MEI4: variants seen among roughly 807,000 people sequenced by gnomAD.
MEI4 encodes the protein meiosis-specific protein MEI4.
A neutral mutation model predicts 31.4 loss-of-function variants in MEI4; 27 were observed. That is an observed-to-expected ratio of 0.86 (90% CI 0.63 to 1.19). The LOEUF (loss-of-function observed/expected upper bound fraction) is 1.19. Among genes scored for constraint, MEI4 ranks in the 50% most tolerant of loss-of-function variants. The pLI is 0.00. For synonymous variants in MEI4, 122 were observed against 145.4 expected, an observed-to-expected ratio of 0.84 and a Z score of 1.16; for missense variants, 329 against 398.9, an observed-to-expected ratio of 0.82 and a Z score of 1.49.
At chr6:77,692,072 A>C (rs1769167885) in intron 2 of MEI4, among the ~76,000 whole-genome samples, 1 of 150,752 alleles carries the variant, frequency 6.6e-6, no homozygotes, top group Admixed American at 6.6e-5. Context: ...CATCTCATAC[A>C]CTCTCCCCAT....
intron 4 of MEI4, among the ~76,000 whole-genome samples, chr6:77,885,347 A>G (rs968391161): frequency 2.6e-5 from 4 of 151,928 alleles, no homozygotes; most frequent in Admixed American, 2.0e-4. Flanking sequence ...CACCATGCCC[A>G]GCTAATTTTT....
rs565456197 is a variant in MEI4, at chr6:77,768,572, C to A, written c.768+6907C>A. Among the ~76,000 whole-genome samples the A allele has an allele frequency of 1.6e-4, 24 of 152,046 alleles. No homozygotes were observed. In the South Asian group the frequency reaches 3.1e-3, roughly 20 times the overall value. On this transcript the variant is annotated intron_variant, in intron 3 of 4. Coordinates refer to ENST00000684080, the MANE Select transcript of MEI4 (RefSeq NM_001322247.2). ...AAAAATAGCCAGACATGGTGGCATG[C>A]ACCTGTAGTCCCAGCTACTTGGGAG...
intron 3 of MEI4, among the ~76,000 whole-genome samples, chr6:77,804,040 C>G (rs1429389588): frequency 6.6e-6 from 1 of 152,148 alleles, no homozygotes; most frequent in Non-Finnish European, 1.5e-5. Context: ...TTTCTGCTGC[C>G]TTTTGTTTGG....
chr6:77,693,796 AG>A (rs980985433), intron 2 of MEI4, among the ~76,000 whole-genome samples: 1 of 152,140 alleles, frequency 6.6e-6, no homozygotes, highest in Non-Finnish European at 1.5e-5. Context: ...CCTTGCTCTA[AG>A]AAAACTCCAT....
At chr6:77,666,857 C>CTGTGTGTGTG (rs754710415) in intron 1 of MEI4, among the ~76,000 whole-genome samples, 4 of 148,326 alleles carry the variant, frequency 2.7e-5, no homozygotes, top group African/African-American at 5.0e-5. Context: ...CTACATGCCT[C>CTGTGTGTGTG]TGTGTGTGTG....
At chr6:77,808,132 C>T (rs1769485638) in intron 3 of MEI4, among the ~76,000 whole-genome samples, 2 of 152,238 alleles carry the variant, frequency 1.3e-5, no homozygotes, top group Non-Finnish European at 1.5e-5. Context: ...CACTCCATTT[C>T]ATTCTGAAAA....
At chr6:77,665,216 A>G (rs1440471649) in intron 1 of MEI4, among the ~76,000 whole-genome samples, 18 of 151,770 alleles carry the variant, frequency 1.2e-4, no homozygotes, top group Non-Finnish European at 4.4e-5. Flanking sequence ...GGGTCGGGAC[A>G]TGGAAATAAG....
chr6:77,845,374 G>A (rs562729821), intron 4 of MEI4, among the ~76,000 whole-genome samples: 1 of 152,270 alleles, frequency 6.6e-6, no homozygotes, highest in African/African-American at 2.4e-5. Flanking sequence ...ATGTGTCTGT[G>A]AGGGGGAGTG....
At chr6:77,862,145 G>A (rs151062230) in intron 4 of MEI4, among the ~76,000 whole-genome samples, 38 of 152,040 alleles carry the variant, frequency 2.5e-4, no homozygotes, top group African/African-American at 5.8e-4. Context: ...CGTGAGTGAC[G>A]AAGAAGACAG....
intron 1 of MEI4, among the ~76,000 whole-genome samples, chr6:77,685,677 A>C (rs9341683): frequency 0.14 from 20,525 of 151,948 alleles, 1,468 homozygotes; most frequent in Middle Eastern, 0.2. Context: ...TTATGGTTTC[A>C]TGTTATATTT....
chr6:77,695,617 A>G (rs1006135401), intron 2 of MEI4, among the ~76,000 whole-genome samples: 3 of 151,988 alleles, frequency 2.0e-5, no homozygotes, highest in African/African-American at 4.8e-5. Flanking sequence ...TGTTCCATTG[A>G]TCTATATCTC....
At chr6:77,691,647 G>A (rs758287517) in intron 2 of MEI4, among the ~76,000 whole-genome samples, 3 of 151,978 alleles carry the variant, frequency 2.0e-5, no homozygotes, top group Admixed American at 6.6e-5. Flanking sequence ...AGTTGGGACC[G>A]GATTCAGAAG....
intron 4 of MEI4, among the ~76,000 whole-genome samples, chr6:77,867,757 C>T (rs1771079789): frequency 6.6e-6 from 1 of 152,094 alleles, no homozygotes; most frequent in Non-Finnish European, 1.5e-5. Context: ...GCTATAAAGA[C>T]ACATGCACAC....
chr6:77,905,672 A>G (rs534579750), intron 4 of MEI4, among the ~76,000 whole-genome samples: 22 of 150,774 alleles, frequency 1.5e-4, no homozygotes, highest in Admixed American at 1.1e-3. Flanking sequence ...AATTTTTTGT[A>G]TGTTTAGTAG....
chr6:77,677,849 T>C (rs939873651), intron 1 of MEI4, among the ~76,000 whole-genome samples: 1 of 152,244 alleles, frequency 6.6e-6, no homozygotes, highest in Non-Finnish European at 1.5e-5. Flanking sequence ...TGTCACATAT[T>C]CTACATGTAT....
At chr6:77,889,688 G>A (rs539384809) in intron 4 of MEI4, among the ~76,000 whole-genome samples, 1 of 152,360 alleles carries the variant, frequency 6.6e-6, no homozygotes, top group East Asian at 1.9e-4. Context: ...TCCAGAGCAT[G>A]TCAAGACCAT....
chr6:77,712,083 C>T (rs759042106), intron 2 of MEI4, among the ~76,000 whole-genome samples: 14 of 152,208 alleles, frequency 9.2e-5, no homozygotes, highest in South Asian at 4.2e-4. Context: ...ATTGGCAGTA[C>T]GCTGAACATT....
At chr6:77,864,342 C>T (rs1320614559) in intron 4 of MEI4, among the ~76,000 whole-genome samples, 5 of 152,152 alleles carry the variant, frequency 3.3e-5, no homozygotes, top group Admixed American at 2.0e-4. Flanking sequence ...ACCCATCTCA[C>T]ATACAGAGAC....
rs143565676 is a variant in MEI4 at position 77,739,025 on chromosome 6, C to A, written c.233-22105C>A. On this transcript the variant is annotated intron_variant, in intron 2 of 4. Coordinates refer to ENST00000684080, the MANE Select transcript of MEI4 (RefSeq NM_001322247.2). ...TAGATTGCAAAAATTTTCTCCCATT[C>A]TGTCAGTTGCCTGTTCACTATGATG... is the stretch of plus-strand genomic sequence containing the variant. Among the ~76,000 whole-genome samples, 1,189 of 152,246 alleles carry A rather than the reference C, an allele frequency of 7.8e-3. 18 individuals are homozygous for A. The highest frequency in any genetic ancestry group is 0.027 in the African/African-American group (1,140 of 41,534).
Sources: gnomAD v4.1 joint callset for allele counts (sites outside exome capture counted in the v4.1 genomes callset) on GRCh38, gnomAD v4.1.1 for gene constraint, MANE v1.5 for transcripts, NCBI Gene and HGNC (gene_info 2026-07-23, HGNC 2026-07-21) for gene names.